Variants in CDKAL1 observed in about 807,000 individuals in gnomAD.
CDKAL1 encodes threonylcarbamoyladenosine tRNA methylthiotransferase.
In CDKAL1, 32 loss-of-function variants were observed where a neutral mutation model predicts 68.2. The observed-to-expected ratio is 0.47, with a 90% CI of 0.35 to 0.63. The LOEUF (loss-of-function observed/expected upper bound fraction) is 0.63, where lower values mean the gene tolerates loss of function less well. Ranked by LOEUF, CDKAL1 falls within the 30% of genes least tolerant of loss-of-function variation. The probability of loss-of-function intolerance (pLI) is 0.00; values close to 1 mark genes in which losing one functional copy is unlikely to be tolerated. For missense variants in CDKAL1, 606 were observed against 696.7 expected (o/e 0.87, Z 1.47); for synonymous variants, 234 against 244.3 (o/e 0.96, Z 0.39).
chr6:20,761,493 A>G (rs1246266482), intron 7 of CDKAL1, among the ~76,000 whole-genome samples: 5 of 152,220 alleles, frequency 3.3e-5, no homozygotes, highest in African/African-American at 4.8e-5. Flanking sequence ...CTTTATTTGT[A>G]ATTACTAAAA....
At chr6:21,199,966 C>T (rs552940463) in intron 14 of CDKAL1, among the ~76,000 whole-genome samples, 4 of 152,186 alleles carry the variant, frequency 2.6e-5, no homozygotes, top group Non-Finnish European at 5.9e-5. Context: ...GAACTCCTGG[C>T]TCTCATCTGA....
At chr6:20,728,181 G>A (rs567717703) in intron 5 of CDKAL1, among the ~76,000 whole-genome samples, 1 of 152,178 alleles carries the variant, frequency 6.6e-6, no homozygotes, top group African/African-American at 2.4e-5. Context: ...TGTATAATTT[G>A]TATATTTCAG....
chr6:21,052,156 A>G (rs1770575035), intron 11 of CDKAL1, among the ~76,000 whole-genome samples: 1 of 152,214 alleles, frequency 6.6e-6, no homozygotes, highest in Non-Finnish European at 1.5e-5. Flanking sequence ...AAAATCTGAA[A>G]TTTATTTGAA....
intron 9 of CDKAL1, among the ~76,000 whole-genome samples, chr6:20,903,702 A>G (rs767731835): frequency 8.5e-5 from 13 of 152,230 alleles, no homozygotes; most frequent in Non-Finnish European, 4.4e-5. Context: ...ACTGAAGCCC[A>G]TGTGCATTTG....
intron 11 of CDKAL1, among the ~76,000 whole-genome samples, chr6:21,030,306 A>C (rs1050730640): frequency 6.6e-6 from 1 of 152,144 alleles, no homozygotes; most frequent in Admixed American, 6.6e-5. Context: ...GGAGGGAAAC[A>C]ACACTCACCA....
chr6:20,868,552 A>G (rs141440824), intron 9 of CDKAL1, among the ~76,000 whole-genome samples: 52 of 152,366 alleles, frequency 3.4e-4, no homozygotes, highest in African/African-American at 1.2e-3. Flanking sequence ...ATGGAAGCCA[A>G]CTTCTGCTTA....
At chr6:21,040,810 A>G (rs1478432376) in intron 11 of CDKAL1, among the ~76,000 whole-genome samples, 2 of 152,322 alleles carry the variant, frequency 1.3e-5, no homozygotes, top group African/African-American at 2.4e-5. Flanking sequence ...TGAATAATGC[A>G]TAGACATGCA....
At chr6:20,668,412 G>A (rs1769652628) in intron 5 of CDKAL1, among the ~76,000 whole-genome samples, 1 of 152,114 alleles carries the variant, frequency 6.6e-6, no homozygotes, top group Admixed American at 6.6e-5. Context: ...GCATATTGCA[G>A]CCTTGAAATC....
chr6:20,622,110 T>A (rs1767221253), intron 4 of CDKAL1, among the ~76,000 whole-genome samples: 1 of 152,150 alleles, frequency 6.6e-6, no homozygotes, highest in African/African-American at 2.4e-5. Context: ...ATTTAAGTGA[T>A]TTTAAGAACA....
chr6:20,901,642 C>A (rs1761975520), intron 9 of CDKAL1, among the ~76,000 whole-genome samples: 1 of 133,734 alleles, frequency 7.5e-6, no homozygotes, highest in Non-Finnish European at 1.5e-5. Flanking sequence ...GATTGCGCCA[C>A]TGCACTCCAG....
chr6:20,983,417 A>G (rs1410781080), intron 10 of CDKAL1, among the ~76,000 whole-genome samples: 1 of 152,228 alleles, frequency 6.6e-6, no homozygotes, highest in Non-Finnish European at 1.5e-5. Context: ...TGTATTTTAT[A>G]TATCAGAAAC....
At chr6:21,207,639 T>C (rs747477412) in intron 15 of CDKAL1, among the ~76,000 whole-genome samples, 5 of 152,238 alleles carry the variant, frequency 3.3e-5, no homozygotes, top group Non-Finnish European at 5.9e-5. Context: ...ACAAAAAATA[T>C]GATCTTGGGC....
At chr6:20,746,258 T>C (rs909937284) in intron 6 of CDKAL1, among the ~76,000 whole-genome samples, 4 of 152,222 alleles carry the variant, frequency 2.6e-5, no homozygotes, top group African/African-American at 7.2e-5. Context: ...AGGTGAAATA[T>C]GCCTTCAGTG....
intron 4 of CDKAL1, among the ~76,000 whole-genome samples, chr6:20,569,207 A>G (rs1764600604): frequency 1.3e-5 from 2 of 152,222 alleles, no homozygotes; most frequent in Admixed American, 6.5e-5. Flanking sequence ...TAGTTTAAGT[A>G]GTTCAGTTTT....
intron 5 of CDKAL1, among the ~76,000 whole-genome samples, chr6:20,676,338 C>T (rs1277387959): frequency 2.0e-5 from 3 of 152,132 alleles, no homozygotes; most frequent in Non-Finnish European, 2.9e-5. Flanking sequence ...GTCCTGCAAA[C>T]TCCGTTCTTG....
chr6:21,063,024 C>T (rs1275305699), intron 11 of CDKAL1, among the ~76,000 whole-genome samples: 1 of 152,178 alleles, frequency 6.6e-6, no homozygotes, highest in Admixed American at 6.5e-5. Flanking sequence ...AAGCAATTCT[C>T]CTGCCTCAGC....
intron 11 of CDKAL1, among the ~76,000 whole-genome samples, chr6:21,045,748 G>A (rs1770188819): frequency 6.6e-6 from 1 of 152,170 alleles, no homozygotes; most frequent in African/African-American, 2.4e-5. Context: ...CAGTGCCCTT[G>A]TTTTTTAATA....
intron 8 of CDKAL1, among the ~76,000 whole-genome samples, chr6:20,826,599 C>T (rs1049292563): frequency 3.9e-5 from 6 of 152,002 alleles, no homozygotes; most frequent in South Asian, 2.1e-4. Context: ...AATAGATAAA[C>T]GTCTGGTGGT....
intron 12 of CDKAL1, among the ~76,000 whole-genome samples, chr6:21,073,200 G>A (rs6918997): frequency 0.91 from 138,007 of 152,216 alleles, 62,717 homozygotes; most frequent in East Asian, 0.99. Context: ...TTGTGTGGAC[G>A]TAACACAATT....
Sources: gnomAD v4.1 joint callset for allele counts (sites outside exome capture counted in the v4.1 genomes callset) on GRCh38, gnomAD v4.1.1 for gene constraint, MANE v1.5 for transcripts, NCBI Gene and HGNC (gene_info 2026-07-23, HGNC 2026-07-21) for gene names.